The following GRM1 variants were observed in gnomAD, a reference collection of about 807,000 sequenced individuals.
GRM1 encodes metabotropic glutamate receptor 1.
In GRM1, 33 loss-of-function variants were observed where a neutral mutation model predicts 90.9. That is an observed-to-expected ratio of 0.36 (90% CI 0.28 to 0.49). The LOEUF (loss-of-function observed/expected upper bound fraction) is 0.49. Among genes scored for constraint, GRM1 ranks in the 20% least tolerant of loss-of-function variants. The probability of loss-of-function intolerance (pLI) is 0.99; values close to 1 mark genes in which losing one functional copy is unlikely to be tolerated. For synonymous variants in GRM1, 700 were observed against 613.2 expected (o/e 1.14, Z -2.09); for missense variants, 1,190 against 1,534.3 (o/e 0.78, Z 3.75).
chr6:146,322,291 C>A (rs1302877642), intron 3 of GRM1, among the ~76,000 whole-genome samples: 1 of 152,134 alleles, frequency 6.6e-6, no homozygotes, highest in African/African-American at 2.4e-5. Flanking sequence ...CAGAGGGTAC[C>A]CACCAGATGC....
At chr6:146,310,290 G>A (rs1203555370) in intron 3 of GRM1, among the ~76,000 whole-genome samples, 1 of 152,074 alleles carries the variant, frequency 6.6e-6, no homozygotes, top group Non-Finnish European at 1.5e-5. Flanking sequence ...GACTCCACTT[G>A]GAATTAACTT....
chr6:146,367,364 G>C (rs1333301191), intron 5 of GRM1, among the ~76,000 whole-genome samples: 2 of 152,064 alleles, frequency 1.3e-5, no homozygotes, highest in Non-Finnish European at 2.9e-5. Context: ...TTTTGCTCAA[G>C]ATTGTTTGGT....
rs139091612 is a variant in GRM1 at position 146,427,066 on chromosome 6, T to G, written c.2661-6806T>G. ...GCTGTCTGCACTAAAGTAAAAGCCATAGCTTGAATTTATGGAAGAGTTCTA... is the reference window on the plus strand; with the variant it reads ...GCTGTCTGCACTAAAGTAAAAGCCAGAGCTTGAATTTATGGAAGAGTTCTA... On this transcript the variant is annotated intron_variant, in intron 7 of 7. Coordinates refer to ENST00000282753, the MANE Select transcript of GRM1 (RefSeq NM_001278064.2). 2.6e-3 allele frequency among the ~76,000 whole-genome samples: 401 copies of G among 152,228 alleles called. 2 individuals are homozygous for G. The highest frequency in any genetic ancestry group is 9.3e-3 in the African/African-American group (388 of 41,556).
chr6:146,377,739 C>T (rs1776160795), intron 5 of GRM1, among the ~76,000 whole-genome samples: 1 of 152,108 alleles, frequency 6.6e-6, no homozygotes, highest in Non-Finnish European at 1.5e-5. Context: ...TAGGGCAGCC[C>T]CTCCCATCAC....
At chr6:146,212,413 G>A (rs1282191406) in intron 2 of GRM1, among the ~76,000 whole-genome samples, 4 of 152,144 alleles carry the variant, frequency 2.6e-5, no homozygotes, top group African/African-American at 7.2e-5. Context: ...CTAATTCTCA[G>A]TATAACCTCA....
intron 1 of GRM1, among the ~76,000 whole-genome samples, chr6:146,139,501 G>A (rs1459647305): frequency 6.6e-6 from 1 of 151,948 alleles, no homozygotes; most frequent in African/African-American, 2.4e-5. Flanking sequence ...CTCCAGTGTT[G>A]GGTCCATATA....
chr6:146,091,643 C>A (rs922734653), intron 1 of GRM1, among the ~76,000 whole-genome samples: 18 of 151,950 alleles, frequency 1.2e-4, no homozygotes, highest in African/African-American at 3.9e-4. Context: ...GTAAGGAAAT[C>A]ATTTTTACAG....
chr6:146,360,854 G>C (rs1366256651), intron 5 of GRM1, among the ~76,000 whole-genome samples: 1 of 152,178 alleles, frequency 6.6e-6, no homozygotes, highest in African/African-American at 2.4e-5. Flanking sequence ...GTGAGGTATG[G>C]AAGGATGGGG....
chr6:146,069,321 G>A (rs962177220), intron 1 of GRM1, among the ~76,000 whole-genome samples: 5 of 151,966 alleles, frequency 3.3e-5, no homozygotes, highest in Non-Finnish European at 1.5e-5. Flanking sequence ...CTTCTGAATG[G>A]CAATGCTCAT....
At chr6:146,348,622 C>A (rs1785264982) in intron 3 of GRM1, among the ~76,000 whole-genome samples, 1 of 152,200 alleles carries the variant, frequency 6.6e-6, no homozygotes, top group Non-Finnish European at 1.5e-5. Context: ...TGCAAATATT[C>A]CCCAGGAGCA....
chr6:146,419,200 G>A (rs1777900138), intron 7 of GRM1, among the ~76,000 whole-genome samples: 1 of 152,140 alleles, frequency 6.6e-6, no homozygotes, highest in Non-Finnish European at 1.5e-5. Context: ...CAAAGAAACA[G>A]ACGGAAGAAA....
At chr6:146,136,491 T>C (rs975598795) in intron 1 of GRM1, among the ~76,000 whole-genome samples, 2 of 152,218 alleles carry the variant, frequency 1.3e-5, no homozygotes, top group Non-Finnish European at 2.9e-5. Context: ...GTGAGATCTC[T>C]TTGTAGTTTT....
Position 146,399,219 on chromosome 6 carries a change from T to C in GRM1, c.2180T>C (p.Met727Thr), listed in dbSNP as rs776096945. Residue 727 changes from methionine to threonine, a missense_variant, in exon 7 of 8, where the codon ATG becomes ACG. By Grantham distance (81) the Met-to-Thr change is moderately conservative. Coordinates refer to ENST00000282753, the MANE Select transcript of GRM1 (RefSeq NM_001278064.2). This position sits in a 1 kb window ranked among gnomAD's most constrained non-coding sequence, Gnocchi z 5.4. ...QLTLVVTLII[M>T]EPPMPILSYP... ...ACCCTGGTGGTAACCCTGATCATCA[T>C]GGAACCCCCTATGCCCATTCTGTCC... 18 of 1,613,968 alleles carry C rather than the reference T, an allele frequency of 1.1e-5. No homozygotes were observed. The Admixed American group carries it at 2.2e-4, about 19-fold the overall frequency.
chr6:146,033,265 G>T (rs1209644715), intron 1 of GRM1, among the ~76,000 whole-genome samples: 1 of 152,056 alleles, frequency 6.6e-6, no homozygotes, highest in Non-Finnish European at 1.5e-5. Flanking sequence ...TGGAATGTGA[G>T]TCTTTAAATA....
chr6:146,125,533 A>AT (rs2128878611), intron 1 of GRM1, among the ~76,000 whole-genome samples: 1 of 142,882 alleles, frequency 7.0e-6, no homozygotes, highest in South Asian at 2.2e-4. Context: ...TCCTCCCATT[A>AT]TTTTTTATTT....
intron 3 of GRM1, among the ~76,000 whole-genome samples, chr6:146,319,856 G>T (rs901457236): frequency 2.0e-5 from 3 of 152,210 alleles, no homozygotes; most frequent in African/African-American, 7.2e-5. Context: ...AGCTTAAGGA[G>T]TTTTTGGGCT....
At chr6:146,316,076 C>G (rs1224065420) in intron 3 of GRM1, among the ~76,000 whole-genome samples, 1 of 152,128 alleles carries the variant, frequency 6.6e-6, no homozygotes, top group Admixed American at 6.5e-5. Context: ...GACGTAACCT[C>G]TAAGACCCTG....
chr6:146,307,585 C>T (rs992517589), intron 3 of GRM1, among the ~76,000 whole-genome samples: 7 of 152,066 alleles, frequency 4.6e-5, no homozygotes, highest in Admixed American at 2.0e-4. Context: ...CATTTGAGAT[C>T]CTTGAATATC....
intron 3 of GRM1, among the ~76,000 whole-genome samples, chr6:146,314,051 C>CTTTTTTTTTTTTTTTTTTTTTTTTTTTT (rs552986343): frequency 1.6e-5 from 1 of 61,960 alleles, no homozygotes; most frequent in Non-Finnish European, 2.6e-5. Context: ...TAGTTAATTC[C>CTTTTTTTTTTTTTTTTTTTTTTTTTTTT]TTTTTTTTTT....
Sources: allele counts gnomAD v4.1 joint callset (sites outside exome capture counted in the v4.1 genomes callset), GRCh38; gene constraint gnomAD v4.1.1; non-coding constraint Gnocchi (gnomAD v3.1); transcripts MANE v1.5; gene names NCBI Gene and HGNC (gene_info 2026-07-23, HGNC 2026-07-21).